SHANK1: variants seen among roughly 807,000 people sequenced by gnomAD.
SHANK1 encodes the protein SH3 and multiple ankyrin repeat domains 1, also known as SH3 and multiple ankyrin repeat domains protein 1.
A neutral mutation model predicts 165.6 loss-of-function variants in SHANK1; 35 were observed. That is an observed-to-expected ratio of 0.21 (90% confidence interval 0.16 to 0.28). The LOEUF is 0.28. Among genes scored for constraint, SHANK1 ranks in the 10% least tolerant of loss-of-function variants. SHANK1 has a pLI of 1.00. For synonymous variants in SHANK1, 1,428 were observed against 1,384.8 expected (o/e 1.03, Z -0.69); for missense variants, 2,681 against 3,036.4 (o/e 0.88, Z 2.75).
At position 50,669,200 on chromosome 19, in the gene SHANK1, A is replaced by G. The variant is rs4801845; in HGVS notation, c.2760T>C (p.Ile920=). 32 of 1,608,738 alleles carry G rather than the reference A, an allele frequency of 2.0e-5. No individual in the cohort carries two copies. In the Admixed American group the frequency reaches 3.9e-4, roughly 19 times the overall value. The change falls in exon 23 of 24, where the codon ATT becomes ATC. Residue 920 remains isoleucine, a synonymous_variant. Transcript: ENST00000293441. ...RSLSVPGSED[I]PPPPTTSPPE... ...GTGGGGACGTGGTGGGTGGCGGGGG[A>G]ATGTCCTCCGAACCAGGCACAGACA...
At chr19:50,715,752 T>A (rs1206958818) in intron 3 of SHANK1, 22 bp from the exon 4 acceptor site, 1 of 1,606,806 alleles carries the variant, frequency 6.2e-7, no homozygotes. Context: ...GGTAGGGTAG[T>A]GAGAGAGACA....
rs1430910596 is a variant in SHANK1 at position 50,703,634 on chromosome 19, C to T, written c.1419G>A (p.Gln473=). ...TGAGCTTGGTGGTGGGGGCCGAGGG[C>T]TGCGACTGGCCCTGGGACCCTGAGG... The part of the protein sequence containing the change: ...GPTSGSQGQS[Q]PSAPTTKLSS... Residue 473 remains glutamine, a synonymous_variant, in exon 11 of 24, where the codon CAG becomes CAA. Coordinates refer to ENST00000293441, the MANE Select transcript of SHANK1 (RefSeq NM_016148.5). 32 of 1,543,584 alleles carry T rather than the reference C, an allele frequency of 2.1e-5. No homozygotes were observed. The highest frequency in any genetic ancestry group is 2.8e-5 in the Non-Finnish European group (32 of 1,146,310).
intron 23 of SHANK1, among the ~76,000 whole-genome samples, chr19:50,664,149 C>T (rs1340777373): frequency 6.7e-6 from 1 of 148,226 alleles, no homozygotes; most frequent in East Asian, 2.0e-4. Context: ...AACCTGGGAG[C>T]ATAGATTTAA....
intron 18 of SHANK1, 106 bp from the exon 19 acceptor site, chr19:50,687,768 GC>G: frequency 7.4e-7 from 1 of 1,355,996 alleles, no homozygotes. Flanking sequence ...TTGCCAGCGT[GC>G]GGAGCCCTCC....
intron 23 of SHANK1, among the ~76,000 whole-genome samples, chr19:50,665,374 G>T (rs1985437984): frequency 6.6e-6 from 1 of 151,908 alleles, no homozygotes; most frequent in African/African-American, 2.4e-5. Flanking sequence ...AGACCAGCCT[G>T]GCCCACGTGG....
chr19:50,706,314 G>A (rs1599868470), intron 8 of SHANK1, among the ~76,000 whole-genome samples: 1 of 152,310 alleles, frequency 6.6e-6, no homozygotes, highest in East Asian at 1.9e-4. Flanking sequence ...GGAGGAAAGG[G>A]TGGGGGCAGG....
Position 50,702,096 on chromosome 19 carries a change from A to C in SHANK1, c.1747+371T>G, listed in dbSNP as rs1254729322. On this transcript the variant is annotated intron_variant, in intron 12 of 23. Transcript: ENST00000293441. This position sits in a 1 kb window ranked among gnomAD's most constrained non-coding sequence, Gnocchi z 5.3. ...GAAGGACTGTGGGCTTGGACTGAGG[A>C]CCTTGGGCAAGTGGCTTCACCTGTG... Among the ~76,000 whole-genome samples, 1 of 152,146 alleles carries C rather than the reference A, an allele frequency of 6.6e-6. No homozygotes were observed. Among genetic ancestry groups the C allele is most frequent in the Non-Finnish European group, 1.5e-5 (1 of 68,028 alleles).
chr19:50,714,009 AT>A, intron 5 of SHANK1, 60 bp from the exon 6 acceptor site: 2 of 1,595,600 alleles, frequency 1.3e-6, no homozygotes, highest in Non-Finnish European at 1.7e-6. Context: ...ATCCCTTCCC[AT>A]TTTCCAGGCT....
intron 21 of SHANK1, among the ~76,000 whole-genome samples, chr19:50,672,576 A>AG: frequency 6.6e-6 from 1 of 151,146 alleles, no homozygotes; most frequent in African/African-American, 2.4e-5. Context: ...AAAAAAAAAA[A>AG]AAAAGAAAAG....
At chr19:50,714,052 C>CGT in intron 5 of SHANK1, 103 bp from the exon 6 acceptor site, 1 of 1,544,074 alleles carries the variant, frequency 6.5e-7, no homozygotes, top group Non-Finnish European at 8.8e-7. Context: ...CCTCTGGCCC[C>CGT]GTGGCCTCCC....
At chr19:50,696,683 C>T (rs114511501) in intron 15 of SHANK1, among the ~76,000 whole-genome samples, 3,152 of 152,140 alleles carry the variant, frequency 0.021, 125 homozygotes, top group African/African-American at 0.071. Context: ...GACAGACGCA[C>T]ATGCATGCAC....
rs769076963 is a variant in SHANK1, at chr19:50,688,089, A to C, written c.2173-31T>G. 1 of 1,612,646 alleles carries C rather than the reference A, an allele frequency of 6.2e-7. No homozygotes were observed. The highest frequency in any genetic ancestry group is 1.3e-5 in the African/African-American group (1 of 74,900). On this transcript the variant is annotated intron_variant, in intron 17 of 23. Coordinates refer to ENST00000293441, the MANE Select transcript of SHANK1 (RefSeq NM_016148.5). This position sits in a 1 kb window ranked among gnomAD's most constrained non-coding sequence, Gnocchi z 6.7. ...GCACAGACACCCCCAGATCACACAG[A>C]GTAGACGAGGGGAGGGGTGCTTGCA...
In SHANK1 at chr19:50,666,905, G is replaced by A. The variant is rs947352802; in HGVS notation, c.5055C>T (p.Asp1685=). 1.3e-6 allele frequency: 2 copies of A among 1,599,416 alleles called. No individual in the cohort carries two copies. The highest frequency in any genetic ancestry group is 1.7e-5 in the Admixed American group (1 of 58,106). ...CGCTGCTGATGGTCTCCAGTGGGTGGTCACTGCTGCTCCGACTGTCCACCT... is the reference window on the plus strand; with the variant it reads ...CGCTGCTGATGGTCTCCAGTGGGTGATCACTGCTGCTCCGACTGTCCACCT... ...IEEVDSRSSS[D]HPLETISSAS... The change falls in exon 23 of 24, where the codon GAC becomes GAT. Residue 1685 remains aspartate, a synonymous_variant. Transcript: ENST00000293441.
At position 50,688,490 on chromosome 19, in the gene SHANK1, A is replaced by G. The variant is rs1412965501; in HGVS notation, c.2172+354T>C. 6.6e-6 allele frequency among the ~76,000 whole-genome samples: 1 copy of G among 151,572 alleles called. No individual in the cohort carries two copies. Among genetic ancestry groups the G allele is most frequent in the Non-Finnish European group, 1.5e-5 (1 of 67,876 alleles). On this transcript the variant is annotated intron_variant, in intron 17 of 23. Transcript: ENST00000293441. The surrounding 1 kb of genome is among the most constrained non-coding windows in gnomAD (Gnocchi z 6.7). The stretch of plus-strand genomic sequence containing the variant: ...CACAGCACCGGCTAATTTTTTTTTT[A>G]AGAGACAGGATCTTGCTATGTTGCC...
chr19:50,692,560 A>G (rs1021578587), intron 15 of SHANK1, among the ~76,000 whole-genome samples: 1 of 147,588 alleles, frequency 6.8e-6, no homozygotes, highest in African/African-American at 2.5e-5. Flanking sequence ...CTTCTCAACC[A>G]CCCCCTATCC....
At chr19:50,674,243 C>A (rs1460451763) in intron 21 of SHANK1, among the ~76,000 whole-genome samples, 1 of 152,074 alleles carries the variant, frequency 6.6e-6, no homozygotes, top group African/African-American at 2.4e-5. Context: ...GTTCTACAAG[C>A]AAGTGTTAGA....
At chr19:50,674,105 T>TG in intron 21 of SHANK1, among the ~76,000 whole-genome samples, 1 of 151,976 alleles carries the variant, frequency 6.6e-6, no homozygotes, top group Non-Finnish European at 1.5e-5. Context: ...ATTTTTTTTT[T>TG]TTTTAATGCA....
chr19:50,685,078 C>T (rs1041138802), intron 21 of SHANK1, among the ~76,000 whole-genome samples: 16 of 152,234 alleles, frequency 1.1e-4, no homozygotes, highest in East Asian at 1.9e-4. Context: ...GTGGTGGATG[C>T]GGCCAGAGGA....
In SHANK1 at chr19:50,689,536, A is replaced by G. The variant is rs1986476520; in HGVS notation, c.1965-257T>C. 14 of 626,606 alleles carry G rather than the reference A, an allele frequency of 2.2e-5. No individual in the cohort carries two copies. The East Asian group carries it at 4.2e-4, about 19-fold the overall frequency. The allele number at this position is 626,606 out of a possible 1,614,324, so 38.8% of individuals were successfully genotyped here. A position where few individuals can be genotyped will look rare whatever the true frequency, so the allele number is the denominator to read the frequency against. ...CATCCATGCATCCATCCACCCATCC[A>G]TTCAGCACCAGGCACGGTGGGGAGG... is the stretch of plus-strand genomic sequence containing the variant. On this transcript the variant is annotated intron_variant, in intron 15 of 23. Transcript: ENST00000293441.
Sources: gnomAD v4.1 joint callset for allele counts (sites outside exome capture counted in the v4.1 genomes callset) on GRCh38, gnomAD v4.1.1 for gene constraint, Gnocchi (gnomAD v3.1) non-coding constraint, MANE v1.5 for transcripts, NCBI Gene and HGNC (gene_info 2026-07-23, HGNC 2026-07-21) for gene names.